Variants in ATP5F1C observed in about 807,000 individuals in gnomAD.
ATP5F1C encodes ATP synthase F(1) complex subunit gamma, mitochondrial.
Under a neutral mutation model 37.4 loss-of-function variants are expected in ATP5F1C, and 22 were observed. The observed-to-expected ratio is 0.59, with a 90% confidence interval of 0.42 to 0.84. ATP5F1C has a LOEUF of 0.84. Ranked by LOEUF, ATP5F1C falls within the 40% of genes least tolerant of loss-of-function variation. The probability of loss-of-function intolerance (pLI) is 0.00; values close to 1 mark genes in which losing one functional copy is unlikely to be tolerated. For synonymous variants in ATP5F1C, 121 were observed against 128.0 expected (o/e 0.95, Z 0.37); for missense variants, 286 against 362.4 (o/e 0.79, Z 1.71).
At chr10:7,794,158 A>G (rs1047859859) in intron 1 of ATP5F1C, among the ~76,000 whole-genome samples, 2 of 152,216 alleles carry the variant, frequency 1.3e-5, no homozygotes, top group Admixed American at 6.5e-5. Context: ...TTTTAACTTC[A>G]TACTCCAGTA....
intron 6 of ATP5F1C, chr10:7,801,575 G>A (rs1396585032): frequency 6.6e-6 from 1 of 152,194 alleles, no homozygotes; most frequent in Non-Finnish European, 1.5e-5. Context: ...CACAGGTTGA[G>A]TATCCCTTGT....
chr10:7,800,385 C>T (rs1307488935), intron 6 of ATP5F1C, among the ~76,000 whole-genome samples: 2 of 151,412 alleles, frequency 1.3e-5, no homozygotes, highest in Non-Finnish European at 2.9e-5. Flanking sequence ...TTAGTAGAGA[C>T]GGGGTTTCAC....
At chr10:7,791,867 G>T (rs758910317) in intron 1 of ATP5F1C, among the ~76,000 whole-genome samples, 3 of 152,182 alleles carry the variant, frequency 2.0e-5, no homozygotes, top group Non-Finnish European at 4.4e-5. Context: ...GGGCAAATGC[G>T]TAGCATTATC....
chr10:7,798,994 G>A lies in ATP5F1C; in HGVS notation c.228G>A (p.Leu76=), dbSNP rs759541658. The change falls in exon 4 of 10, where the codon CTG becomes CTA. Residue 76 remains leucine (L), a synonymous_variant. Coordinates refer to ENST00000356708, the MANE Select transcript of ATP5F1C (RefSeq NM_001001973.3). ...ARIYGLGSLA[L]YEKADIKGPE... is the part of the protein sequence containing the mutation. Reference sequence around the variant, plus strand: ...CTGCTTTTGTTTGTTTTTAAGCTCTGTATGAAAAAGCTGATATCAAGGGGC... The same window carrying A: ...CTGCTTTTGTTTGTTTTTAAGCTCTATATGAAAAAGCTGATATCAAGGGGC... 7 of 1,611,702 alleles carry A rather than the reference G, an allele frequency of 4.3e-6. No homozygotes were observed. The highest frequency in any genetic ancestry group is 1.3e-5 in the African/African-American group (1 of 74,824).
rs752410636 is a variant in ATP5F1C, at chr10:7,799,832, T to A, written c.489T>A (p.Phe163Leu). The A allele has an allele frequency of 1.2e-6, 2 of 1,614,218 alleles. No individual in the cohort carries two copies. The highest frequency in any genetic ancestry group is 3.3e-5 in the Admixed American group (2 of 60,030). The change falls in exon 5 of 10, where the codon TTT becomes TTA. Residue 163 changes from phenylalanine (F) to leucine (L), a missense_variant. Physicochemically the swap from Phe to Leu is conservative, Grantham distance 22. Transcript: ENST00000356708. ...FKEVGRKPPT[F>L]GDASVIALEL... ...AAGTGGGAAGAAAGCCCCCCACTTT[T>A]GGAGATGCGTCAGTCATTGCCCTTG... is the stretch of plus-strand genomic sequence containing the variant.
chr10:7,802,289 C>G lies in ATP5F1C; in HGVS notation c.657C>G (p.Asp219Glu). ...VASADSMSIY[D>E]DIDADVLQNY... ...TAACAGACAGCATGAGTATCTATGA[C>G]GATATTGATGCTGACGTGCTGCAAA... Residue 219 changes from aspartate to glutamate, a missense_variant, in exon 7 of 10, where the codon GAC becomes GAG. Physicochemically the swap from Asp to Glu is conservative, Grantham distance 45. Transcript: ENST00000356708. 11 of 1,611,800 alleles carry G rather than the reference C, an allele frequency of 6.8e-6. No homozygotes were observed. The highest frequency in any genetic ancestry group is 9.3e-6 in the Non-Finnish European group (11 of 1,179,112).
intron 3 of ATP5F1C, among the ~76,000 whole-genome samples, chr10:7,798,685 C>G (rs191921143): frequency 6.6e-6 from 1 of 151,162 alleles, no homozygotes; most frequent in South Asian, 2.1e-4. Context: ...CGTGAGCCAC[C>G]GTGCCCAGCC....
chr10:7,802,473 C>A, intron 7 of ATP5F1C, 48 bp downstream of exon 7: 1 of 1,567,290 alleles, frequency 6.4e-7, no homozygotes, highest in Non-Finnish European at 8.6e-7. Flanking sequence ...TGTGAGCACA[C>A]AGTGAATCTC....
chr10:7,798,837 T>A (rs1215772650), intron 3 of ATP5F1C, among the ~76,000 whole-genome samples, 153 bp from the exon 4 acceptor site: 1 of 152,366 alleles, frequency 6.6e-6, no homozygotes, highest in South Asian at 2.1e-4. Context: ...GGCCTCAGCT[T>A]ACAGCTGTCC....
At chr10:7,798,046 C>T (rs1179012476) in intron 3 of ATP5F1C, among the ~76,000 whole-genome samples, 4 of 152,136 alleles carry the variant, frequency 2.6e-5, no homozygotes, top group African/African-American at 7.2e-5. Context: ...TATGATCATG[C>T]TGTCTTATCC....
intron 8 of ATP5F1C, among the ~76,000 whole-genome samples, chr10:7,804,313 G>A (rs1212703562): frequency 6.6e-6 from 1 of 152,194 alleles, no homozygotes; most frequent in African/African-American, 2.4e-5. Context: ...CTCGATGTAT[G>A]TGATCCTATA....
In ATP5F1C at chr10:7,800,503, TTTA is replaced by T. The variant is rs1326470559; in HGVS notation, c.637+415_637+417del. Among the ~76,000 whole-genome samples the T allele has an allele frequency of 3.0e-3, 439 of 147,930 alleles. 3 individuals are homozygous for T. Among genetic ancestry groups the T allele is most frequent in the Middle Eastern group, 7.8e-3 (2 of 256 alleles). On this transcript the variant is annotated intron_variant, in intron 6 of 9. Transcript: ENST00000356708. ...AGCCCAGCCTTTTATTTTTTTATTT[TTTA>T]TTTTTTGAGACGGAGTCTCACTGTG...
intron 9 of ATP5F1C, 53 bp from the exon 10 acceptor site, chr10:7,807,606 T>C (rs751141179): frequency 6.3e-7 from 1 of 1,577,104 alleles, no homozygotes; most frequent in Non-Finnish European, 8.7e-7. Context: ...TTGACATTAT[T>C]TTCCCAAAAA....
At position 7,799,049 on chromosome 10, in the gene ATP5F1C, G is replaced by T; in HGVS notation, c.283G>T (p.Gly95Cys). The T allele has an allele frequency of 1.2e-6, 2 of 1,612,836 alleles. No individual in the cohort carries two copies. The highest frequency in any genetic ancestry group is 1.7e-6 in the Non-Finnish European group (2 of 1,179,860). Residue 95 changes from glycine to cysteine, a missense_variant, in exon 4 of 10, where the codon GGT becomes TGT. Transcript: ENST00000356708. ...PEDKKKHLLI[G>C]VSSDRGLCGA... ...AGACAAGAAGAAACACCTCCTTATT[G>T]GTGTGTCCTCAGATCGAGGACTGTG...
chr10:7,802,704 G>T lies in ATP5F1C; in HGVS notation c.794-54G>T. ...TTAAGCAACAGAAGTTAGTTAACAA[G>T]TTATTCTACTCTAGTTTCAGATTTT... On this transcript the variant is annotated intron_variant, in intron 7 of 9. Coordinates refer to ENST00000356708, the MANE Select transcript of ATP5F1C (RefSeq NM_001001973.3). 1.9e-6 allele frequency: 3 copies of T among 1,543,314 alleles called. No individual in the cohort carries two copies. In the South Asian group the frequency reaches 3.6e-5, roughly 18 times the overall value.
intron 8 of ATP5F1C, among the ~76,000 whole-genome samples, chr10:7,805,811 G>A (rs919923284): frequency 1.4e-4 from 21 of 151,924 alleles, no homozygotes; most frequent in Non-Finnish European, 1.5e-5. Context: ...AAACAGCTGG[G>A]TGCATTGGCT....
intron 6 of ATP5F1C, among the ~76,000 whole-genome samples, chr10:7,801,162 T>C (rs1254000189): frequency 6.7e-6 from 1 of 148,246 alleles, no homozygotes; most frequent in Non-Finnish European, 1.5e-5. Context: ...AAGGCTTTTT[T>C]CCCTTGTATA....
chr10:7,799,611 A>G, intron 4 of ATP5F1C, 161 bp from the exon 5 acceptor site: 1 of 744,208 alleles, frequency 1.3e-6, no homozygotes, highest in Middle Eastern at 3.6e-4. Context: ...GTGCTGAAGG[A>G]AAGGAATGAT....
chr10:7,788,261 A>G lies in ATP5F1C; in HGVS notation c.54A>G (p.Gln18=). 6.2e-7 allele frequency: 1 copy of G among 1,613,352 alleles called. No individual in the cohort carries two copies. Among genetic ancestry groups the G allele is most frequent in the Middle Eastern group, 1.6e-4 (1 of 6,062 alleles). The part of the protein sequence containing the change: ...AGLSAWTLQP[Q]WIQVRNMATL... ...TGTCGGCCTGGACCTTGCAGCCGCA[A>G]TGGTATGGCAGCTTGCGGGAAGATC... is the stretch of plus-strand genomic sequence containing the variant. Residue 18 remains glutamine (Q), a splice_region_variant and synonymous_variant, in exon 1 of 10, where the codon CAA becomes CAG. Coordinates refer to ENST00000356708, the MANE Select transcript of ATP5F1C (RefSeq NM_001001973.3).
Sources: gnomAD v4.1 joint callset for allele counts (sites outside exome capture counted in the v4.1 genomes callset) on GRCh38, gnomAD v4.1.1 for gene constraint, MANE v1.5 for transcripts, NCBI Gene and HGNC (gene_info 2026-07-23, HGNC 2026-07-21) for gene names.